The following EP400 variants were observed in gnomAD, a reference collection of about 807,000 sequenced individuals.
EP400 encodes E1A binding protein p400, also known as E1A-binding protein p400.
EP400 carries 105 observed loss-of-function variants against 354.1 expected under a neutral mutation model. The observed-to-expected ratio is 0.30, with a 90% CI of 0.25 to 0.35. The LOEUF (loss-of-function observed/expected upper bound fraction) is 0.35. Ranked by LOEUF, EP400 falls within the 10% of genes least tolerant of loss-of-function variation. The pLI, the probability that EP400 is intolerant of heterozygous loss-of-function variation, is 1.00. For synonymous variants in EP400, 1,646 were observed against 1,716.9 expected (o/e 0.96, Z 1.02); for missense variants, 3,280 against 4,121.0 (o/e 0.80, Z 5.59).
Position 132,017,481 on chromosome 12 carries a change from T to C in EP400, c.3924-54T>C. On this transcript the variant is annotated intron_variant, in intron 19 of 52. Transcript: ENST00000389561. This position sits in a 1 kb window ranked among gnomAD's most constrained non-coding sequence, Gnocchi z 5.0. ...GGACAGTCGATGGTGAGGGTGGGACTATGTCCATGTGCCGTTTGGATTGAA... is the reference window on the plus strand; with the variant it reads ...GGACAGTCGATGGTGAGGGTGGGACCATGTCCATGTGCCGTTTGGATTGAA... The C allele has an allele frequency of 6.3e-7, 1 of 1,583,950 alleles. No individual in the cohort carries two copies. The highest frequency in any genetic ancestry group is 8.6e-7 in the Non-Finnish European group (1 of 1,160,204).
chr12:132,013,593 A>T lies in EP400; in HGVS notation c.3715A>T (p.Ser1239Cys), dbSNP rs770144736. The T allele has an allele frequency of 6.2e-7, 1 of 1,613,876 alleles. No individual in the cohort carries two copies. The change falls in exon 18 of 53, where the codon AGC becomes TGC. Residue 1239 changes from serine (S) to cysteine (C), a missense_variant. Physicochemically the swap from Ser to Cys is moderately radical, Grantham distance 112. Coordinates refer to ENST00000389561, the MANE Select transcript of EP400 (RefSeq NM_015409.5). The surrounding 1 kb of genome is among the most constrained non-coding windows in gnomAD (Gnocchi z 4.5). ...CCCAGGGATCTCCAGGCCCTACCTG[A>T]GCTCCCCTCTGAGGGCCCCCAGTGA... ...LVPGISRPYL[S>C]SPLRAPSEES...
rs1893386976 is a variant in EP400, at chr12:132,000,909, A to T, written c.2828-4168A>T. On this transcript the variant is annotated intron_variant, in intron 12 of 52. Coordinates refer to ENST00000389561, the MANE Select transcript of EP400 (RefSeq NM_015409.5). ...AGTCATCTCTTTTATTTCTTCAAAT[A>T]TGAAATTTTATAATCTCTGCCTAAT... Among the ~76,000 whole-genome samples the T allele has an allele frequency of 2.6e-5, 4 of 152,230 alleles. No homozygotes were observed. In the South Asian group the frequency reaches 8.3e-4, roughly 32 times the overall value.
chr12:132,053,457 G>A lies in EP400; in HGVS notation c.7588G>A (p.Ala2530Thr), dbSNP rs1187730496. 6.6e-7 allele frequency: 1 copy of A among 1,512,834 alleles called. No individual in the cohort carries two copies. The highest frequency in any genetic ancestry group is 1.2e-5 in the South Asian group (1 of 83,480). 93.7% of individuals were successfully genotyped at this position (1,512,834 alleles called of 1,614,324 possible). ...QPPPPLPQPQ[A>T]AGSQPPAGPP... ...ACCGCCACCGCTGCCACAACCACAG[G>A]CAGCGGGCAGCCAGCCGCCAGCAGG... The change falls in exon 43 of 53, where the codon GCA (alanine) becomes ACA (threonine). Residue 2530 changes from alanine to threonine, a missense_variant. Transcript: ENST00000389561.
At chr12:132,042,298 G>A (rs534909786) in intron 32 of EP400, among the ~76,000 whole-genome samples, 4 of 152,186 alleles carry the variant, frequency 2.6e-5, no homozygotes, top group East Asian at 1.9e-4. Flanking sequence ...TATGTATCCC[G>A]ATAAAAGGCC....
At chr12:132,044,995 G>C (rs1895038367) in intron 37 of EP400, 42 bp downstream of exon 37, 1 of 1,606,756 alleles carries the variant, frequency 6.2e-7, no homozygotes, top group Non-Finnish European at 8.5e-7. Flanking sequence ...GGGGGCCCTG[G>C]CCTGCAGAAT....
At position 132,066,899 on chromosome 12, in the gene EP400, G is replaced by A. The variant is rs146478216; in HGVS notation, c.8679G>A (p.Pro2893=). The change falls in exon 49 of 53, where the codon CCG becomes CCA. Residue 2893 remains proline (P), a synonymous_variant. Transcript: ENST00000389561. ...VSVPAAVVSS[P]GVTTLPMNVA... ...TCCCGGCAGCTGTGGTCTCCTCACC[G>A]GGAGTCACCACCCTGCCCATGAACG... 9.5e-5 allele frequency: 153 copies of A among 1,613,018 alleles called. No individual in the cohort carries two copies. The highest frequency in any genetic ancestry group is 9.0e-4 in the Admixed American group (54 of 59,796).
chr12:132,019,521 T>C (rs774771993), intron 21 of EP400, among the ~76,000 whole-genome samples: 1 of 151,972 alleles, frequency 6.6e-6, no homozygotes, highest in African/African-American at 2.4e-5. Context: ...CTGGGCAACA[T>C]TGGGAGACCC....
chr12:131,979,839 T>C (rs762600405), intron 3 of EP400, 46 bp downstream of exon 3: 5 of 1,503,862 alleles, frequency 3.3e-6, no homozygotes, highest in Non-Finnish European at 4.5e-6. Flanking sequence ...CCCCCTCTCC[T>C]TGGGCTGCCG....
intron 1 of EP400, among the ~76,000 whole-genome samples, chr12:131,959,180 G>A (rs1389692390): frequency 2.6e-5 from 4 of 152,164 alleles, no homozygotes; most frequent in African/African-American, 9.7e-5. Context: ...AAACTTGAAT[G>A]AGATTTTTGC....
At chr12:132,062,024 G>T in intron 45 of EP400, 86 bp from the exon 46 acceptor site, 1 of 1,193,658 alleles carries the variant, frequency 8.4e-7, no homozygotes, top group Middle Eastern at 2.8e-4. Flanking sequence ...CTGAAGTTGG[G>T]TGCTCTTGTC....
intron 2 of EP400, among the ~76,000 whole-genome samples, chr12:131,974,987 C>CAAAAAAAA (rs764013155): frequency 4.6e-5 from 2 of 43,308 alleles, no homozygotes; most frequent in South Asian, 6.8e-4. Context: ...GACTCCATCT[C>CAAAAAAAA]AAAAAAAAAA....
intron 34 of EP400, 27 bp from the exon 35 acceptor site, chr12:132,044,150 G>A: frequency 6.2e-7 from 1 of 1,611,900 alleles, no homozygotes; most frequent in Non-Finnish European, 8.5e-7. Context: ...TCCTGATCCT[G>A]AAAGTTCTTG....
Position 132,013,946 on chromosome 12 carries a change from G to A in EP400, c.3923+33G>A, listed in dbSNP as rs755258248. 6.2e-7 allele frequency: 1 copy of A among 1,610,098 alleles called. No homozygotes were observed. Among genetic ancestry groups the A allele is most frequent in the South Asian group, 1.1e-5 (1 of 90,400 alleles). On this transcript the variant is annotated intron_variant, in intron 19 of 52. Transcript: ENST00000389561. This position sits in a 1 kb window ranked among gnomAD's most constrained non-coding sequence, Gnocchi z 4.5. ...TGGGCTCTGGGCATGTGCCCCCTTTGCTGTCCCTGCCTGTGAGGGAAAACG... is the reference window on the plus strand; with the variant it reads ...TGGGCTCTGGGCATGTGCCCCCTTTACTGTCCCTGCCTGTGAGGGAAAACG...
chr12:132,037,805 T>A lies in EP400; in HGVS notation c.6063+12T>A. 1 of 1,613,574 alleles carries A rather than the reference T, an allele frequency of 6.2e-7. No individual in the cohort carries two copies. Among genetic ancestry groups the A allele is most frequent in the Non-Finnish European group, 8.5e-7 (1 of 1,179,458 alleles). ...CTTTCTTAACTCAGGTACTCCTTAT[T>A]CAATGAGAGGCCTGAGGTGAGACCC... On this transcript the variant is annotated intron_variant, in intron 31 of 52. Coordinates refer to ENST00000389561, the MANE Select transcript of EP400 (RefSeq NM_015409.5).
At chr12:132,049,609 T>C (rs1005374903) in intron 39 of EP400, among the ~76,000 whole-genome samples, 1 of 152,186 alleles carries the variant, frequency 6.6e-6, no homozygotes, top group Non-Finnish European at 1.5e-5. Flanking sequence ...GACCAGGGTT[T>C]AGAGGAGCAT....
At chr12:132,002,852 G>T (rs1893463124) in intron 12 of EP400, among the ~76,000 whole-genome samples, 1 of 152,186 alleles carries the variant, frequency 6.6e-6, no homozygotes. Flanking sequence ...CTGAATCCAT[G>T]AGCAGAGCCT....
At chr12:132,016,710 C>T (rs575117184) in intron 19 of EP400, among the ~76,000 whole-genome samples, 1 of 152,312 alleles carries the variant, frequency 6.6e-6, no homozygotes, top group African/African-American at 2.4e-5. Context: ...GTCATGGTAG[C>T]TTCTGTCACC....
chr12:132,028,457 A>G (rs1350692291), intron 27 of EP400, among the ~76,000 whole-genome samples, 169 bp downstream of exon 27: 2 of 152,028 alleles, frequency 1.3e-5, no homozygotes, highest in African/African-American at 2.4e-5. Flanking sequence ...TTGGGATCAG[A>G]TGGTTTTGTT....
chr12:131,999,830 A>T (rs553629190), intron 12 of EP400, among the ~76,000 whole-genome samples: 3 of 152,244 alleles, frequency 2.0e-5, no homozygotes, highest in South Asian at 2.1e-4. Context: ...TTTCATCTAC[A>T]TTTTAAAATT....
Sources: allele counts gnomAD v4.1 joint callset (sites outside exome capture counted in the v4.1 genomes callset), GRCh38; gene constraint gnomAD v4.1.1; non-coding constraint Gnocchi (gnomAD v3.1); transcripts MANE v1.5; gene names NCBI Gene and HGNC (gene_info 2026-07-23, HGNC 2026-07-21).